CSPP1: variants seen among roughly 807,000 people sequenced by gnomAD.
The protein encoded by CSPP1 is centrosome and spindle pole-associated protein 1.
Under a neutral mutation model 164.4 loss-of-function variants are expected in CSPP1, and 126 were observed. The ratio of observed to expected loss-of-function variants is 0.77; its 90% CI spans 0.66 to 0.89. CSPP1 has a LOEUF of 0.89. CSPP1 is among the 40% of genes least tolerant of loss of function. CSPP1 has a pLI of 0.00. For synonymous variants in CSPP1, 472 were observed against 476.7 expected (o/e 0.99, Z 0.13); for missense variants, 1,395 against 1,449.8 (o/e 0.96, Z 0.61).
intron 24 of CSPP1, among the ~76,000 whole-genome samples, chr8:67,166,730 T>G (rs1829381064): frequency 1.3e-5 from 2 of 151,934 alleles, no homozygotes; most frequent in South Asian, 2.1e-4. Context: ...TTTAACGGTT[T>G]TTTTTTTTTT....
chr8:67,186,352 T>A (rs1281877923), intron 28 of CSPP1, among the ~76,000 whole-genome samples: 1 of 150,962 alleles, frequency 6.6e-6, no homozygotes, highest in East Asian at 1.9e-4. Context: ...GTAGTAGTGG[T>A]GGTCAGACAT....
At chr8:67,090,457 T>C (rs1050201039) in intron 4 of CSPP1, among the ~76,000 whole-genome samples, 2 of 152,054 alleles carry the variant, frequency 1.3e-5, no homozygotes, top group African/African-American at 2.4e-5. Flanking sequence ...GGCTAATTTT[T>C]TGTGTTTTTA....
intron 28 of CSPP1, among the ~76,000 whole-genome samples, chr8:67,184,827 C>T (rs1384254463): frequency 4.8e-5 from 7 of 146,150 alleles, no homozygotes; most frequent in Admixed American, 1.4e-4. Context: ...CGGCCGGGCA[C>T]GGTGGCTCAA....
intron 9 of CSPP1, among the ~76,000 whole-genome samples, chr8:67,107,332 G>A (rs1173389309): frequency 4.6e-5 from 7 of 152,188 alleles, no homozygotes; most frequent in Admixed American, 6.5e-5. Flanking sequence ...ATAGGCGTGA[G>A]CCACTGTTCC....
chr8:67,194,966 A>C (rs1444943099), intron 30 of CSPP1, among the ~76,000 whole-genome samples: 4 of 152,032 alleles, frequency 2.6e-5, no homozygotes, highest in Admixed American at 2.6e-4. Context: ...TATTCCCCAA[A>C]CCTTGCTTTA....
At chr8:67,186,157 A>G (rs1013002500) in intron 28 of CSPP1, among the ~76,000 whole-genome samples, 6 of 152,220 alleles carry the variant, frequency 3.9e-5, no homozygotes, top group African/African-American at 1.2e-4. Flanking sequence ...TCATTTCTGT[A>G]ACAGTTGATA....
chr8:67,159,954 CTTCT>C (rs375502848), intron 21 of CSPP1, among the ~76,000 whole-genome samples: 3,139 of 31,326 alleles, frequency 0.1, 521 homozygotes, highest in Admixed American at 0.13. Flanking sequence ...TCCTTCCTTC[CTTCT>C]TTCTTTTCTT....
At chr8:67,131,420 G>A (rs924514783) in intron 15 of CSPP1, among the ~76,000 whole-genome samples, 1 of 152,106 alleles carries the variant, frequency 6.6e-6, no homozygotes, top group Non-Finnish European at 1.5e-5. Flanking sequence ...TTTATTGCTT[G>A]TGATTTATGT....
In CSPP1 at chr8:67,132,095, A is replaced by C; in HGVS notation, c.1827+15A>C. The C allele has an allele frequency of 6.2e-7, 1 of 1,609,418 alleles. No individual in the cohort carries two copies. Among genetic ancestry groups the C allele is most frequent in the Admixed American group, 1.7e-5 (1 of 59,406 alleles). On this transcript the variant is annotated intron_variant, in intron 16 of 30. Coordinates refer to ENST00000678616, the MANE Select transcript of CSPP1 (RefSeq NM_001382391.1). ...TGCAGCAGCAGGTATTGATTCATTT[A>C]CTCATTTACTGTTGAACCTCTTAAG...
At chr8:67,123,213 G>C (rs1289007050) in intron 15 of CSPP1, 5 of 152,018 alleles carry the variant, frequency 3.3e-5, no homozygotes, top group Non-Finnish European at 7.4e-5. Context: ...TATTATTCTT[G>C]ACTTGTGTAT....
At chr8:67,113,126 TC>T (rs1817215017) in intron 10 of CSPP1, among the ~76,000 whole-genome samples, 1 of 152,104 alleles carries the variant, frequency 6.6e-6, no homozygotes, top group South Asian at 2.1e-4. Context: ...ATGCTTGTGG[TC>T]CCAGCTATTC....
chr8:67,179,161 T>TTA (rs1832397119), intron 27 of CSPP1, among the ~76,000 whole-genome samples: 1 of 152,200 alleles, frequency 6.6e-6, no homozygotes, highest in South Asian at 2.1e-4. Flanking sequence ...GACATGTTGG[T>TTA]TATTATTCTG....
chr8:67,153,701 C>G (rs956546338), intron 18 of CSPP1, among the ~76,000 whole-genome samples: 1 of 151,886 alleles, frequency 6.6e-6, no homozygotes, highest in East Asian at 1.9e-4. Flanking sequence ...TAAATATGTC[C>G]TTTTTTTCTT....
rs796256512 is a variant in CSPP1 at position 67,159,926 on chromosome 8, TTTCC to T, written c.2538+817_2538+820del. Among the ~76,000 whole-genome samples, 209 of 41,518 alleles carry T rather than the reference TTTCC, an allele frequency of 5.0e-3. 6 individuals carry two copies. The highest frequency in any genetic ancestry group is 0.014 in the Middle Eastern group (1 of 72). The allele number at this position is 41,518 out of a possible 152,430, so 27.2% of individuals were successfully genotyped here. On this transcript the variant is annotated intron_variant, in intron 21 of 30. Transcript: ENST00000678616. ...TTTCTTTCTTTCTTTCTTTCTTTCC[TTTCC>T]TTCCTTCCTTCCTTCCTTCCTTCCT...
chr8:67,115,934 T>C lies in CSPP1; in HGVS notation c.1308T>C (p.Phe436=). ...SKEEPDRLKQ[F]SVAPRHFEEM... ...TTTAGCCTGATAGACTAAAGCAGTT[T>C]AGTGTGGCACCAAGACACTTTGAAG... The change falls in exon 13 of 31, where the codon TTT becomes TTC. Residue 436 remains phenylalanine, a synonymous_variant. Coordinates refer to ENST00000678616, the MANE Select transcript of CSPP1 (RefSeq NM_001382391.1). The C allele has an allele frequency of 6.2e-7, 1 of 1,613,934 alleles. No individual in the cohort carries two copies. The highest frequency in any genetic ancestry group is 2.2e-5 in the East Asian group (1 of 44,874).
At chr8:67,125,795 CTT>C (rs1342328339) in intron 15 of CSPP1, among the ~76,000 whole-genome samples, 1 of 152,088 alleles carries the variant, frequency 6.6e-6, no homozygotes, top group Non-Finnish European at 1.5e-5. Context: ...ATTTCTATCT[CTT>C]TGTTGTTAAT....
At chr8:67,161,702 A>G (rs1026793683) in intron 21 of CSPP1, 109 bp from the exon 22 acceptor site, 4 of 592,322 alleles carry the variant, frequency 6.8e-6, no homozygotes, top group Non-Finnish European at 1.2e-5. Flanking sequence ...AGCAATAACA[A>G]TCTAAACTTC....
chr8:67,094,874 C>A (rs375941371), intron 6 of CSPP1, among the ~76,000 whole-genome samples: 1 of 152,190 alleles, frequency 6.6e-6, no homozygotes, highest in African/African-American at 2.4e-5. Context: ...GACCTGACTT[C>A]TATCACCCTA....
intron 26 of CSPP1, 81 bp from the exon 27 acceptor site, chr8:67,177,599 A>C: frequency 1.1e-6 from 1 of 888,968 alleles, no homozygotes; most frequent in South Asian, 1.5e-5. Context: ...AGAGCTAGTC[A>C]AAAAAGATAT....
Sources: gnomAD v4.1 joint callset for allele counts (sites outside exome capture counted in the v4.1 genomes callset) on GRCh38, gnomAD v4.1.1 for gene constraint, MANE v1.5 for transcripts, NCBI Gene and HGNC (gene_info 2026-07-23, HGNC 2026-07-21) for gene names.